WDFY1: variants seen among roughly 807,000 people sequenced by gnomAD.
WDFY1 encodes the protein WD repeat and FYVE domain containing 1.
A neutral mutation model predicts 56.4 loss-of-function variants in WDFY1; 32 were observed. The ratio of observed to expected loss-of-function variants is 0.57; its 90% CI spans 0.43 to 0.76. WDFY1 has a LOEUF of 0.76. Among genes scored for constraint, WDFY1 ranks in the 30% least tolerant of loss-of-function variants. The probability of loss-of-function intolerance (pLI) is 0.00; values close to 1 mark genes in which losing one functional copy is unlikely to be tolerated. For synonymous variants in WDFY1, 192 were observed against 197.3 expected (o/e 0.97, Z 0.23); for missense variants, 480 against 545.7 (o/e 0.88, Z 1.20).
chr2:223,940,102 C>T (rs140421529), intron 1 of WDFY1, among the ~76,000 whole-genome samples: 2,222 of 152,218 alleles, frequency 0.015, 53 homozygotes, highest in African/African-American at 0.05. Flanking sequence ...GGGTGGATCA[C>T]GAGGTTTGGA....
chr2:223,928,018 A>T (rs1694014923), intron 1 of WDFY1, among the ~76,000 whole-genome samples: 1 of 152,192 alleles, frequency 6.6e-6, no homozygotes, highest in South Asian at 2.1e-4. Flanking sequence ...TATTCAGATC[A>T]CACACACTAT....
At chr2:223,916,977 G>A (rs949799100) in intron 2 of WDFY1, among the ~76,000 whole-genome samples, 1 of 152,024 alleles carries the variant, frequency 6.6e-6, no homozygotes, top group Non-Finnish European at 1.5e-5. Context: ...ACCATGCCCG[G>A]CTAATTTTGT....
At chr2:223,926,934 C>T (rs988200486) in intron 1 of WDFY1, among the ~76,000 whole-genome samples, 1 of 152,196 alleles carries the variant, frequency 6.6e-6, no homozygotes, top group Non-Finnish European at 1.5e-5. Flanking sequence ...TCCCAAAGTG[C>T]TGGTATTACA....
At chr2:223,880,052 G>T in intron 11 of WDFY1, 72 bp downstream of exon 11, 2 of 1,287,942 alleles carry the variant, frequency 1.6e-6, no homozygotes, top group Non-Finnish European at 2.2e-6. Context: ...AAGAGTGACT[G>T]TCTCCTGCAC....
chr2:223,934,388 G>C (rs1694135007), intron 1 of WDFY1, among the ~76,000 whole-genome samples: 1 of 152,112 alleles, frequency 6.6e-6, no homozygotes, highest in African/African-American at 2.4e-5. Flanking sequence ...ACCACACCCA[G>C]ACAGTGGCCT....
At chr2:223,897,378 A>T (rs889110645) in intron 6 of WDFY1, among the ~76,000 whole-genome samples, 12,490 of 34,260 alleles carry the variant, frequency 0.36, 1,175 homozygotes, top group Admixed American at 0.41. Flanking sequence ...ATATATATAT[A>T]TATATATATA....
chr2:223,901,321 C>G lies in WDFY1; in HGVS notation c.347G>C (p.Arg116Pro), dbSNP rs1037944667. ...FIKTYPAHQN[R>P]VSAIIFSLAT... ...CAAGCTGAAGATAATCGCAGACACC[C>G]GGTTCTGATGAGCTGCAGGAACAGA... is the stretch of plus-strand genomic sequence containing the variant. The change falls in exon 5 of 12, where the codon CGG becomes CCG. Residue 116 changes from arginine (R) to proline (P), a missense_variant. By Grantham distance (103) the Arg-to-Pro change is moderately radical. Transcript: ENST00000233055. The G allele has an allele frequency of 6.2e-7, 1 of 1,614,086 alleles. No individual in the cohort carries two copies. The highest frequency in any genetic ancestry group is 8.5e-7 in the Non-Finnish European group (1 of 1,179,980).
intron 6 of WDFY1, among the ~76,000 whole-genome samples, chr2:223,896,920 C>T (rs1693390977): frequency 1.3e-5 from 2 of 152,128 alleles, no homozygotes; most frequent in Non-Finnish European, 2.9e-5. Flanking sequence ...TACTAGAACC[C>T]ATTCTGCCTT....
chr2:223,927,222 T>C (rs867056529), intron 1 of WDFY1, among the ~76,000 whole-genome samples: 67 of 152,240 alleles, frequency 4.4e-4, no homozygotes, highest in Admixed American at 2.0e-4. Flanking sequence ...TCAACCTATC[T>C]TTTGGAGCTT....
At chr2:223,902,889 G>A (rs148247060) in intron 4 of WDFY1, among the ~76,000 whole-genome samples, 137 of 151,912 alleles carry the variant, frequency 9.0e-4, no homozygotes, top group African/African-American at 2.9e-3. Flanking sequence ...TGTTAAACTC[G>A]GGCCAAACAG....
intron 1 of WDFY1, among the ~76,000 whole-genome samples, chr2:223,939,138 C>T (rs1221190080): frequency 6.6e-6 from 1 of 152,198 alleles, no homozygotes; most frequent in Non-Finnish European, 1.5e-5. Context: ...GCAGCATCAG[C>T]ATCAACGTCA....
At chr2:223,927,256 ACTAG>A (rs988034975) in intron 1 of WDFY1, among the ~76,000 whole-genome samples, 4 of 152,234 alleles carry the variant, frequency 2.6e-5, no homozygotes, top group African/African-American at 9.6e-5. Flanking sequence ...TGACTTCTCT[ACTAG>A]CTATGAAAGT....
chr2:223,886,997 C>T (rs1284603733), intron 8 of WDFY1, among the ~76,000 whole-genome samples: 1 of 151,916 alleles, frequency 6.6e-6, no homozygotes, highest in Non-Finnish European at 1.5e-5. Flanking sequence ...GCAGAAGGCA[C>T]TCACAAGTAG....
At chr2:223,940,424 A>G (rs916455706) in intron 1 of WDFY1, among the ~76,000 whole-genome samples, 8 of 152,192 alleles carry the variant, frequency 5.3e-5, no homozygotes, top group African/African-American at 1.9e-4. Flanking sequence ...GGAACTGCTG[A>G]TAAGAGAAGG....
intron 9 of WDFY1, 150 bp downstream of exon 9, chr2:223,884,498 A>G (rs1170013876): frequency 1.3e-6 from 1 of 742,110 alleles, no homozygotes; most frequent in Admixed American, 2.2e-5. Flanking sequence ...GGTCTTCCTC[A>G]TTGTTAGTCA....
At chr2:223,932,312 C>A (rs1021563006) in intron 1 of WDFY1, among the ~76,000 whole-genome samples, 1 of 151,350 alleles carries the variant, frequency 6.6e-6, no homozygotes, top group Non-Finnish European at 1.5e-5. Flanking sequence ...TTAGTAGAGA[C>A]AGGGTTTCAC....
At chr2:223,938,966 C>T (rs957328960) in intron 1 of WDFY1, among the ~76,000 whole-genome samples, 4 of 151,478 alleles carry the variant, frequency 2.6e-5, no homozygotes, top group Non-Finnish European at 4.4e-5. Flanking sequence ...GTGATCCTCC[C>T]GTCTCAGTCT....
At chr2:223,940,308 C>T (rs1393770407) in intron 1 of WDFY1, among the ~76,000 whole-genome samples, 1 of 152,134 alleles carries the variant, frequency 6.6e-6, no homozygotes, top group Non-Finnish European at 1.5e-5. Context: ...ATAAAGATTA[C>T]AAACAGTCTC....
At chr2:223,915,815 C>A (rs1197134896) in intron 2 of WDFY1, among the ~76,000 whole-genome samples, 1 of 152,142 alleles carries the variant, frequency 6.6e-6, no homozygotes. Flanking sequence ...CAGGTGGGCT[C>A]AGAGACCCAG....
Sources: allele counts gnomAD v4.1 joint callset (sites outside exome capture counted in the v4.1 genomes callset), GRCh38; gene constraint gnomAD v4.1.1; transcripts MANE v1.5; gene names NCBI Gene and HGNC (gene_info 2026-07-23, HGNC 2026-07-21).